Variants in STAB2 observed in about 807,000 individuals in gnomAD.
STAB2 encodes stabilin 2.
A neutral mutation model predicts 338.1 loss-of-function variants in STAB2; 288 were observed. That is an observed-to-expected ratio of 0.85 (90% CI 0.77 to 0.94). The LOEUF is 0.94. Ranked by LOEUF, STAB2 falls within the 40% of genes least tolerant of loss-of-function variation. STAB2 has a pLI of 0.00. For synonymous variants in STAB2, 1,202 were observed against 1,193.3 expected (o/e 1.01, Z -0.15); for missense variants, 3,141 against 3,210.1 (o/e 0.98, Z 0.52).
chr12:103,682,940 T>C (rs1052664165), intron 25 of STAB2, among the ~76,000 whole-genome samples: 4 of 132,340 alleles, frequency 3.0e-5, no homozygotes, highest in Non-Finnish European at 6.7e-5. Flanking sequence ...AGAGTGAGAC[T>C]CCATCTCAAA....
At position 103,753,265 on chromosome 12, in the gene STAB2, A is replaced by G. The variant is rs749385981; in HGVS notation, c.6626A>G (p.Tyr2209Cys). 40 of 1,614,250 alleles carry G rather than the reference A, an allele frequency of 2.5e-5. No homozygotes were observed. Among genetic ancestry groups the G allele is most frequent in the Non-Finnish European group, 3.3e-5 (39 of 1,180,036 alleles). Residue 2209 changes from tyrosine to cysteine, a missense_variant, in exon 61 of 69, where the codon TAT becomes TGT. Coordinates refer to ENST00000388887, the MANE Select transcript of STAB2 (RefSeq NM_017564.10). The part of the protein sequence containing the change: ...VFHLRSPLGQ[Y>C]KLTFDKAREA... Reference sequence around the variant, plus strand: ...CATCTACGCTCCCCACTGGGCCAGTATAAGCTGACCTTTGACAAAGCCAGA... The same window carrying G: ...CATCTACGCTCCCCACTGGGCCAGTGTAAGCTGACCTTTGACAAAGCCAGA...
At position 103,746,558 on chromosome 12, in the gene STAB2, A is replaced by G. The variant is rs1883047830; in HGVS notation, c.6137-39A>G. 4 of 1,600,540 alleles carry G rather than the reference A, an allele frequency of 2.5e-6. No individual in the cohort carries two copies. The South Asian group carries it at 4.4e-5, about 18-fold the overall frequency. On this transcript the variant is annotated intron_variant, in intron 57 of 68. Transcript: ENST00000388887. The stretch of plus-strand genomic sequence containing the variant: ...CCTTAGATGGGTTTTAACTCTTCAC[A>G]CCATGGGTACAGAATGAAAGTGGCC...
Position 103,639,977 on chromosome 12 carries a change from C to T in STAB2, c.907-146C>T, listed in dbSNP as rs1368297628. ...TAAACATGATTTCTACTTTTAGATACTTTGACAAATTTTTAGTTTAAGTCC... is the reference window on the plus strand; with the variant it reads ...TAAACATGATTTCTACTTTTAGATATTTTGACAAATTTTTAGTTTAAGTCC... On this transcript the variant is annotated intron_variant, in intron 8 of 68. Coordinates refer to ENST00000388887, the MANE Select transcript of STAB2 (RefSeq NM_017564.10). 6.5e-6 allele frequency: 6 copies of T among 919,642 alleles called. No individual in the cohort carries two copies. The African/African-American group carries it at 1.0e-4, about 16-fold the overall frequency. 57.0% of individuals were successfully genotyped at this position (919,642 alleles called of 1,614,324 possible).
chr12:103,612,142 T>A (rs1957134159), intron 3 of STAB2, among the ~76,000 whole-genome samples: 1 of 152,224 alleles, frequency 6.6e-6, no homozygotes, highest in African/African-American at 2.4e-5. Context: ...TCAACTTTGG[T>A]GAATCTGACA....
intron 2 of STAB2, 55 bp from the exon 3 acceptor site, chr12:103,594,340 T>G: frequency 7.5e-7 from 1 of 1,328,758 alleles, no homozygotes; most frequent in Non-Finnish European, 1.1e-6. Flanking sequence ...TTCTACCACC[T>G]AGAGTAACTG....
chr12:103,710,233 G>C (rs1272534347), intron 39 of STAB2, among the ~76,000 whole-genome samples: 2 of 152,162 alleles, frequency 1.3e-5, no homozygotes, highest in South Asian at 4.1e-4. Flanking sequence ...CCTTAGCAGG[G>C]TGGAGCACAA....
At chr12:103,712,877 G>A (rs1353964550) in intron 41 of STAB2, among the ~76,000 whole-genome samples, 3 of 152,170 alleles carry the variant, frequency 2.0e-5, no homozygotes, top group Non-Finnish European at 4.4e-5. Context: ...TTGAGCCCTG[G>A]TTCTTCCTCC....
chr12:103,677,314 A>T (rs1876472855), intron 24 of STAB2, 139 bp from the exon 25 acceptor site: 1 of 1,219,222 alleles, frequency 8.2e-7, no homozygotes, highest in African/African-American at 1.5e-5. Context: ...CATGAATCTC[A>T]ATGTAAATTA....
At chr12:103,684,515 G>T (rs527758409) in intron 26 of STAB2, among the ~76,000 whole-genome samples, 38 of 152,302 alleles carry the variant, frequency 2.5e-4, no homozygotes, top group African/African-American at 8.9e-4. Flanking sequence ...GCCCAACCAA[G>T]CCCTGACATT....
rs752939068 is a variant in STAB2, at chr12:103,648,712, G to A, written c.1063G>A (p.Val355Met). 35 of 1,613,912 alleles carry A rather than the reference G, an allele frequency of 2.2e-5. No homozygotes were observed. Among genetic ancestry groups the A allele is most frequent in the Middle Eastern group, 1.6e-4 (1 of 6,084 alleles). Residue 355 changes from valine to methionine, a missense_variant, in exon 10 of 69, where the codon GTG (valine) becomes ATG (methionine). Coordinates refer to ENST00000388887, the MANE Select transcript of STAB2 (RefSeq NM_017564.10). Reference protein sequence around the residue: ...RTECICQKGYVGDGLTCYGNI... With the variant: ...RTECICQKGYMGDGLTCYGNI... ...TAGATGCATTTGCCAGAAAGGTTAC[G>A]TGGGTGATGGCTTAACGTGTTATGG...
At chr12:103,744,416 C>T (rs552465428) in intron 56 of STAB2, among the ~76,000 whole-genome samples, 49 of 150,544 alleles carry the variant, frequency 3.3e-4, no homozygotes, top group Non-Finnish European at 5.9e-4. Context: ...CCTCCCAAAG[C>T]ACTGGGATTA....
At chr12:103,628,028 A>T (rs1482883173) in intron 5 of STAB2, among the ~76,000 whole-genome samples, 1 of 152,222 alleles carries the variant, frequency 6.6e-6, no homozygotes, top group Non-Finnish European at 1.5e-5. Flanking sequence ...CTGAGCCCAT[A>T]GTACACTCCC....
chr12:103,731,779 C>G (rs957639277), intron 50 of STAB2, 144 bp downstream of exon 50: 10 of 719,722 alleles, frequency 1.4e-5, no homozygotes, highest in Non-Finnish European at 2.3e-5. Flanking sequence ...TTCTGGAGAG[C>G]AAAGTCATTC....
intron 60 of STAB2, 118 bp downstream of exon 60, chr12:103,750,838 C>A (rs1208990815): frequency 1.1e-5 from 15 of 1,364,712 alleles, no homozygotes; most frequent in African/African-American, 1.5e-5. Context: ...AGCCTGTAAT[C>A]CCAATACTTT....
Position 103,717,851 on chromosome 12 carries a change from G to A in STAB2, c.4683+10G>A. ...CAATGTCTGCTTAACTGTGAGTATG[G>A]CTCTAGGGTGGATATCCTTCAAGCC... On this transcript the variant is annotated intron_variant, in intron 44 of 68. Coordinates refer to ENST00000388887, the MANE Select transcript of STAB2 (RefSeq NM_017564.10). 6.2e-7 allele frequency: 1 copy of A among 1,614,008 alleles called. No individual in the cohort carries two copies. The highest frequency in any genetic ancestry group is 8.5e-7 in the Non-Finnish European group (1 of 1,179,938).
intron 3 of STAB2, among the ~76,000 whole-genome samples, chr12:103,607,794 C>T (rs1957055283): frequency 6.6e-6 from 1 of 152,118 alleles, no homozygotes; most frequent in African/African-American, 2.4e-5. Flanking sequence ...CATTGATGGA[C>T]ATTTGGGTTG....
chr12:103,734,116 G>A (rs980234537), intron 51 of STAB2, among the ~76,000 whole-genome samples: 6 of 140,748 alleles, frequency 4.3e-5, no homozygotes, highest in East Asian at 2.1e-4. Flanking sequence ...GAGCAAGCAC[G>A]ATCATATAGG....
chr12:103,760,693 G>T (rs1424732100), intron 65 of STAB2, among the ~76,000 whole-genome samples: 1 of 152,188 alleles, frequency 6.6e-6, no homozygotes, highest in Non-Finnish European at 1.5e-5. Flanking sequence ...CAGGTTCTGA[G>T]ACATGCAGAG....
intron 55 of STAB2, among the ~76,000 whole-genome samples, chr12:103,741,786 A>G (rs990788129): frequency 1.3e-5 from 2 of 152,186 alleles, no homozygotes; most frequent in Non-Finnish European, 2.9e-5. Context: ...GAGAAAACAG[A>G]GGCACAGAGA....
Sources: gnomAD v4.1 joint callset for allele counts (sites outside exome capture counted in the v4.1 genomes callset) on GRCh38, gnomAD v4.1.1 for gene constraint, MANE v1.5 for transcripts, NCBI Gene and HGNC (gene_info 2026-07-23, HGNC 2026-07-21) for gene names.